RNF144A: variants seen among roughly 807,000 people sequenced by gnomAD.
The protein encoded by RNF144A is ring finger protein 144A.
Under a neutral mutation model 38.7 loss-of-function variants are expected in RNF144A, and 11 were observed. That is an observed-to-expected ratio of 0.28 (90% CI 0.18 to 0.47). The LOEUF (loss-of-function observed/expected upper bound fraction) is 0.47. Among genes scored for constraint, RNF144A ranks in the 20% least tolerant of loss-of-function variants. The probability of loss-of-function intolerance (pLI) is 0.99; values close to 1 mark genes in which losing one functional copy is unlikely to be tolerated. For synonymous variants in RNF144A, 149 were observed against 143.9 expected (o/e 1.04, Z -0.25); for missense variants, 316 against 377.2 (o/e 0.84, Z 1.34).
rs139230209 is a variant in RNF144A at position 6,968,605 on chromosome 2, A to G, written c.-12+27458A>G. Among the ~76,000 whole-genome samples, 6 of 152,324 alleles carry G rather than the reference A, an allele frequency of 3.9e-5. No individual in the cohort carries two copies. The East Asian group carries it at 5.8e-4, about 15-fold the overall frequency. ...TTGCTCCCCCTACTGGGATCAGTCT[A>G]TTCTCATCACAAGAAACAAACACAT... On this transcript the variant is annotated intron_variant, in intron 2 of 8. Transcript: ENST00000320892.
intron 6 of RNF144A, among the ~76,000 whole-genome samples, chr2:7,050,400 T>A (rs1382958833): frequency 6.6e-6 from 1 of 152,258 alleles, no homozygotes; most frequent in Non-Finnish European, 1.5e-5. Flanking sequence ...CCCAGCCATG[T>A]GGAACTGTGA....
At position 7,043,678 on chromosome 2, in the gene RNF144A, T is replaced by A; in HGVS notation, c.*3918T>A. ...TGCGTTAAAACCTAATTGCTAATGCTTCACAACTAGGAGAGCATGCCGTCT... is the reference window on the plus strand; with the variant it reads ...TGCGTTAAAACCTAATTGCTAATGCATCACAACTAGGAGAGCATGCCGTCT... On this transcript the variant is annotated 3_prime_UTR_variant, in exon 9 of 9. Transcript: ENST00000320892. The A allele has an allele frequency of 1.0e-6, 1 of 985,856 alleles. No homozygotes were observed. The highest frequency in any genetic ancestry group is 1.2e-6 in the Non-Finnish European group (1 of 829,932). The allele number at this position is 985,856 out of a possible 1,614,324, so 61.1% of individuals were successfully genotyped here. A position where few individuals can be genotyped will look rare whatever the true frequency, so the allele number is the denominator to read the frequency against.
chr2:6,934,034 G>A (rs1426856731), intron 1 of RNF144A, among the ~76,000 whole-genome samples: 1 of 152,040 alleles, frequency 6.6e-6, no homozygotes, highest in Non-Finnish European at 1.5e-5. Flanking sequence ...AATACTTAGG[G>A]CAGCACATGT....
At chr2:6,938,506 A>G (rs561058473) in intron 1 of RNF144A, among the ~76,000 whole-genome samples, 55 of 152,200 alleles carry the variant, frequency 3.6e-4, no homozygotes, top group African/African-American at 1.3e-3. Flanking sequence ...TCGGCCTCCC[A>G]AAGTGCTGGG....
Position 6,962,353 on chromosome 2 carries a change from C to T in RNF144A, c.-12+21206C>T, listed in dbSNP as rs570900042. ...CTCCATGTTGGACATGCCCGGCCCC[C>T]AGGTCACCCTTTTCTATGGTGCAGC... is the stretch of plus-strand genomic sequence containing the variant. On this transcript the variant is annotated intron_variant, in intron 2 of 8. Coordinates refer to ENST00000320892, the MANE Select transcript of RNF144A (RefSeq NM_014746.6). This position sits in a 1 kb window ranked among gnomAD's most constrained non-coding sequence, Gnocchi z 4.1. Among the ~76,000 whole-genome samples the T allele has an allele frequency of 1.8e-4, 28 of 152,320 alleles. No individual in the cohort carries two copies. Among genetic ancestry groups the T allele is most frequent in the African/African-American group, 6.5e-4 (27 of 41,590 alleles).
chr2:7,004,577 A>G (rs544368593), intron 3 of RNF144A, among the ~76,000 whole-genome samples: 9 of 152,328 alleles, frequency 5.9e-5, no homozygotes, highest in Admixed American at 2.6e-4. Context: ...TTTGAAACTT[A>G]TCCTGTACAG....
In RNF144A at chr2:7,041,990, G is replaced by T; in HGVS notation, c.*2230G>T. On this transcript the variant is annotated 3_prime_UTR_variant, in exon 9 of 9. Coordinates refer to ENST00000320892, the MANE Select transcript of RNF144A (RefSeq NM_014746.6). Reference sequence around the variant, plus strand: ...CTCTGATGTGTTTCACAAGCACGTAGTTCAACCCAGATAGGGACCACAGAG... The same window carrying T: ...CTCTGATGTGTTTCACAAGCACGTATTTCAACCCAGATAGGGACCACAGAG... The T allele has an allele frequency of 1.0e-6, 1 of 985,392 alleles. No individual in the cohort carries two copies. The highest frequency in any genetic ancestry group is 1.2e-6 in the Non-Finnish European group (1 of 829,932). The allele number at this position is 985,392 out of a possible 1,614,324, so 61.0% of individuals were successfully genotyped here. A position where few individuals can be genotyped will look rare whatever the true frequency, so the allele number is the denominator to read the frequency against.
chr2:6,936,424 C>A (rs1170274682), intron 1 of RNF144A, among the ~76,000 whole-genome samples: 1 of 151,918 alleles, frequency 6.6e-6, no homozygotes. Context: ...TAGATAAATA[C>A]TCAGACTGCA....
At chr2:7,066,486 C>T (rs1019494137) in intron 6 of RNF144A, among the ~76,000 whole-genome samples, 3 of 152,132 alleles carry the variant, frequency 2.0e-5, no homozygotes, top group Non-Finnish European at 2.9e-5. Flanking sequence ...GCCTCCTACC[C>T]GATCCCTCTG....
chr2:6,940,814 A>T (rs1665918009), intron 1 of RNF144A, 134 bp from the exon 2 acceptor site: 1 of 152,166 alleles, frequency 6.6e-6, no homozygotes, highest in Non-Finnish European at 1.5e-5. Flanking sequence ...GTTTACTATT[A>T]TGCTTCACAA....
At chr2:7,021,428 G>A (rs1671526039) in intron 6 of RNF144A, among the ~76,000 whole-genome samples, 1 of 151,966 alleles carries the variant, frequency 6.6e-6, no homozygotes, top group Non-Finnish European at 1.5e-5. Flanking sequence ...TCCTTTCCGT[G>A]TGACCCCTGT....
intron 2 of RNF144A, among the ~76,000 whole-genome samples, chr2:6,987,910 G>C (rs1669059088): frequency 6.6e-6 from 1 of 152,298 alleles, no homozygotes; most frequent in Non-Finnish European, 1.5e-5. Flanking sequence ...AGTAGTGCTT[G>C]AGAAAGTGTT....
Position 6,986,383 on chromosome 2 carries a change from G to C in RNF144A, c.-11-10533G>C, listed in dbSNP as rs368504628. Reference sequence around the variant, plus strand: ...CCAAACCCAGAAATTTCCCAGGCTTGTTGCTTAGCAACAAGGTTTCTGTTT... The same window carrying C: ...CCAAACCCAGAAATTTCCCAGGCTTCTTGCTTAGCAACAAGGTTTCTGTTT... On this transcript the variant is annotated intron_variant, in intron 2 of 8. Coordinates refer to ENST00000320892, the MANE Select transcript of RNF144A (RefSeq NM_014746.6). Among the ~76,000 whole-genome samples the C allele has an allele frequency of 7.9e-5, 12 of 152,040 alleles. No individual in the cohort carries two copies. In the East Asian group the frequency reaches 1.9e-3, roughly 25 times the overall value.
At position 7,020,480 on chromosome 2, in the gene RNF144A, G is replaced by T; in HGVS notation, c.309G>T (p.Leu103=). The part of the protein sequence containing the change: ...YKKLQFEREV[L]FDPCRTWCPA... Reference sequence around the variant, plus strand: ...TTTGTCTCACTGTACCAGAGGTGCTGTTTGATCCCTGTCGGACTTGGTGCC... The same window carrying T: ...TTTGTCTCACTGTACCAGAGGTGCTTTTTGATCCCTGTCGGACTTGGTGCC... Residue 103 remains leucine, a synonymous_variant, in exon 6 of 9, where the codon CTG becomes CTT. Coordinates refer to ENST00000320892, the MANE Select transcript of RNF144A (RefSeq NM_014746.6). The T allele has an allele frequency of 6.2e-7, 1 of 1,613,730 alleles. No homozygotes were observed.
chr2:7,019,346 G>A (rs940552687), intron 5 of RNF144A, among the ~76,000 whole-genome samples: 7 of 152,206 alleles, frequency 4.6e-5, no homozygotes, highest in Admixed American at 3.3e-4. Context: ...GTGAAGTCCC[G>A]GTCCACGTGC....
intron 2 of RNF144A, among the ~76,000 whole-genome samples, chr2:6,987,424 G>T (rs1042245949): frequency 6.6e-6 from 1 of 152,206 alleles, no homozygotes; most frequent in Non-Finnish European, 1.5e-5. Flanking sequence ...TGGCCCTGCT[G>T]TGGGACATAC....
chr2:6,952,868 C>A (rs778409577), intron 2 of RNF144A, among the ~76,000 whole-genome samples: 1 of 152,010 alleles, frequency 6.6e-6, no homozygotes, highest in African/African-American at 2.4e-5. Flanking sequence ...TTATTTATTA[C>A]AATACAATTG....
Position 7,041,656 on chromosome 2 carries a change from C to T in RNF144A, c.*1896C>T, listed in dbSNP as rs536788349. 7 of 985,562 alleles carry T rather than the reference C, an allele frequency of 7.1e-6. No homozygotes were observed. The highest frequency in any genetic ancestry group is 1.0e-3 in the Middle Eastern group (2 of 1,914). The allele number at this position is 985,562 out of a possible 1,614,324, so 61.1% of individuals were successfully genotyped here. The stretch of plus-strand genomic sequence containing the variant: ...GCCCTCAGCCTGTGATATGTGGATG[C>T]AGCTGTCCAGCCACTGCCCTTTAAC... On this transcript the variant is annotated 3_prime_UTR_variant, in exon 9 of 9. Coordinates refer to ENST00000320892, the MANE Select transcript of RNF144A (RefSeq NM_014746.6).
intron 2 of RNF144A, among the ~76,000 whole-genome samples, chr2:6,975,748 C>T (rs1036244972): frequency 6.6e-6 from 1 of 152,166 alleles, no homozygotes; most frequent in Non-Finnish European, 1.5e-5. Context: ...ATCACCTGAG[C>T]CCAGGAGGAC....
Sources: gnomAD v4.1 joint callset for allele counts (sites outside exome capture counted in the v4.1 genomes callset) on GRCh38, gnomAD v4.1.1 for gene constraint, Gnocchi (gnomAD v3.1) non-coding constraint, MANE v1.5 for transcripts, NCBI Gene and HGNC (gene_info 2026-07-23, HGNC 2026-07-21) for gene names.